The following CTBP2 variants were observed in gnomAD, a reference collection of about 807,000 sequenced individuals.
CTBP2 encodes the protein C-terminal-binding protein 2.
CTBP2 carries 30 observed loss-of-function variants against 80.3 expected under a neutral mutation model. The ratio of observed to expected loss-of-function variants is 0.37; its 90% confidence interval spans 0.28 to 0.51. The LOEUF is 0.51. Ranked by LOEUF, CTBP2 falls within the 20% of genes least tolerant of loss-of-function variation. The pLI, the probability that CTBP2 is intolerant of heterozygous loss-of-function variation, is 0.93. For synonymous variants in CTBP2, 594 were observed against 587.4 expected (o/e 1.01, Z -0.16); for missense variants, 1,212 against 1,375.3 (o/e 0.88, Z 1.88).
chr10:125,049,949 C>G (rs948924808), intron 2 of CTBP2, among the ~76,000 whole-genome samples: 1 of 152,220 alleles, frequency 6.6e-6, no homozygotes. Flanking sequence ...CTCAGCTCCC[C>G]AAACCCCACG....
In CTBP2 at chr10:124,988,215, G is replaced by T. The variant is rs1168375104; in HGVS notation, c.*1303C>A. 6.6e-6 allele frequency: 1 copy of T among 152,602 alleles called. No individual in the cohort carries two copies. Among genetic ancestry groups the T allele is most frequent in the Admixed American group, 6.5e-5 (1 of 15,282 alleles). 9.5% of individuals were successfully genotyped at this position (152,602 alleles called of 1,614,324 possible). On this transcript the variant is annotated 3_prime_UTR_variant, in exon 9 of 9. Coordinates refer to ENST00000309035, the MANE Select transcript of CTBP2 (RefSeq NM_022802.3). ...TTAATTGTCAGCGGTCTTGAGTCTG[G>T]TTATGGAACCCTGTAGTAACAAGAG... is the stretch of plus-strand genomic sequence containing the variant.
chr10:125,151,984 T>C (rs1192863036), intron 1 of CTBP2, among the ~76,000 whole-genome samples: 3 of 152,048 alleles, frequency 2.0e-5, no homozygotes, highest in Non-Finnish European at 2.9e-5. Context: ...AGCGGCTCCA[T>C]TTACAAGTGT....
At chr10:125,054,644 A>G (rs1185538012) in intron 2 of CTBP2, among the ~76,000 whole-genome samples, 1 of 152,276 alleles carries the variant, frequency 6.6e-6, no homozygotes, top group Non-Finnish European at 1.5e-5. Flanking sequence ...ACACAGCAAT[A>G]GATAACTAAT....
intron 1 of CTBP2, chr10:125,158,818 A>AG (rs1307434058): frequency 7.4e-6 from 1 of 134,352 alleles, no homozygotes; most frequent in Non-Finnish European, 1.6e-5. Context: ...GGGCGGGGGG[A>AG]GGGGGGACAA....
At chr10:125,161,196 A>C (rs1374290481), upstream of CTBP2, 1 of 151,736 alleles carries the variant, frequency 6.6e-6, no homozygotes, top group Non-Finnish European at 1.5e-5. Flanking sequence ...GGCTCCGCGA[A>C]AGTGCACACA....
At chr10:125,159,893 A>ACCGTCGCCGAGACG (rs1280351989) in intron 1 of CTBP2, 1 of 149,870 alleles carries the variant, frequency 6.7e-6, no homozygotes, top group Non-Finnish European at 1.4e-5. Context: ...CGCCCAGGGA[A>ACCGTCGCCGAGACG]CCGTCGCCGA....
At chr10:125,081,588 G>A (rs1385676835) in intron 2 of CTBP2, among the ~76,000 whole-genome samples, 2 of 152,000 alleles carry the variant, frequency 1.3e-5, no homozygotes, top group African/African-American at 4.8e-5. Context: ...GGAGAGGCTA[G>A]GTAAAGGGTA....
chr10:125,036,316 C>A (rs1033151300), intron 3 of CTBP2, among the ~76,000 whole-genome samples: 5 of 152,106 alleles, frequency 3.3e-5, no homozygotes, highest in African/African-American at 7.2e-5. Flanking sequence ...GAGAGGCCTG[C>A]CTGATTCCAG....
intron 1 of CTBP2, among the ~76,000 whole-genome samples, chr10:125,003,854 C>G (rs3781441): frequency 1.3e-5 from 2 of 151,938 alleles, no homozygotes; most frequent in South Asian, 2.1e-4. Context: ...CCCTCACACA[C>G]TATGACAGGG....
chr10:125,028,281 C>T (rs1291102663), upstream of CTBP2, among the ~76,000 whole-genome samples: 1 of 152,186 alleles, frequency 6.6e-6, no homozygotes, highest in Non-Finnish European at 1.5e-5. Context: ...AACCCTGCCT[C>T]CCCCTCTGGA....
rs527949285 is a variant in CTBP2 at position 125,086,465 on chromosome 10, A to C, written c.-102+24525T>G. The stretch of plus-strand genomic sequence containing the variant: ...GACTGAGGCAGGAGAAAATACAAAA[A>C]TTTGCCAAGTGTGCTGGTAATCGGC... On this transcript the variant is annotated intron_variant, in intron 2 of 10. Transcript: ENST00000337195. 3.3e-5 allele frequency among the ~76,000 whole-genome samples: 5 copies of C among 152,052 alleles called. No homozygotes were observed. In the South Asian group the frequency reaches 8.3e-4, roughly 25 times the overall value.
intron 1 of CTBP2, among the ~76,000 whole-genome samples, chr10:125,126,651 G>A (rs764459908): frequency 3.9e-5 from 6 of 152,142 alleles, no homozygotes; most frequent in South Asian, 2.1e-4. Flanking sequence ...TCCCGGCCTC[G>A]GCCCCAGAGA....
chr10:125,005,994 G>A (rs1490604682), intron 1 of CTBP2: 12 of 1,438,964 alleles, frequency 8.3e-6, no homozygotes, highest in Non-Finnish European at 1.0e-5. Context: ...CGTCTGGGGA[G>A]CCTGAGAGGC....
At chr10:124,995,060 T>C (rs940930916) in intron 4 of CTBP2, among the ~76,000 whole-genome samples, 2 of 152,222 alleles carry the variant, frequency 1.3e-5, no homozygotes, top group African/African-American at 4.8e-5. Flanking sequence ...TTGTGTGCAC[T>C]GCAGGCTTCT....
At position 125,026,482 on chromosome 10, in the gene CTBP2, C is replaced by T. The variant is rs77208364; in HGVS notation, c.1278G>A (p.Val426=). Residue 426 remains valine (V), a synonymous_variant, in exon 1 of 9, where the codon GTG becomes GTA. Transcript: ENST00000309035. ...AGGGGAAGTGTGGGGCATGGGTGCC[C>T]ACGCCAGGGGCAGAATAGGTGGCTG... The T allele has an allele frequency of 6.8e-4, 1,084 of 1,600,304 alleles. 9 individuals are homozygous for T. The African/African-American group carries it at 0.013, about 19-fold the overall frequency.
chr10:125,106,205 T>C (rs998715149), intron 2 of CTBP2, among the ~76,000 whole-genome samples: 21 of 151,308 alleles, frequency 1.4e-4, no homozygotes, highest in African/African-American at 3.9e-4. Flanking sequence ...ATGCACCCCA[T>C]GTGCGGCCCC....
At chr10:125,155,398 C>T (rs1860736210) in intron 1 of CTBP2, among the ~76,000 whole-genome samples, 1 of 150,262 alleles carries the variant, frequency 6.7e-6, no homozygotes. Flanking sequence ...ATTTGTGAAT[C>T]CCCCCTTTTT....
chr10:125,146,675 G>A (rs1232840858), intron 1 of CTBP2, among the ~76,000 whole-genome samples: 1 of 152,146 alleles, frequency 6.6e-6, no homozygotes, highest in East Asian at 1.9e-4. Flanking sequence ...CAAACTAACT[G>A]CCGGACAGGC....
At chr10:125,104,768 T>C (rs1851204131) in intron 2 of CTBP2, among the ~76,000 whole-genome samples, 1 of 152,256 alleles carries the variant, frequency 6.6e-6, no homozygotes, top group Admixed American at 6.5e-5. Flanking sequence ...GACTTTATTT[T>C]TAACAGCATG....
Sources: gnomAD v4.1 joint callset for allele counts (sites outside exome capture counted in the v4.1 genomes callset) on GRCh38, gnomAD v4.1.1 for gene constraint, MANE v1.5 for transcripts, NCBI Gene and HGNC (gene_info 2026-07-23, HGNC 2026-07-21) for gene names.